Variants in KIF13B observed in about 807,000 individuals in gnomAD.
KIF13B encodes the protein kinesin-like protein KIF13B.
Under a neutral mutation model 222.0 loss-of-function variants are expected in KIF13B, and 127 were observed. The observed-to-expected ratio is 0.57, with a 90% CI of 0.50 to 0.66. KIF13B has a LOEUF of 0.66. KIF13B is among the 30% of genes least tolerant of loss of function. KIF13B has a pLI of 0.00. For missense variants in KIF13B, 2,173 were observed against 2,379.0 expected (o/e 0.91, Z 1.80); for synonymous variants, 976 against 919.0 (o/e 1.06, Z -1.12).
At chr8:29,098,776 G>A (rs1333248683) in intron 36 of KIF13B, among the ~76,000 whole-genome samples, 2 of 151,808 alleles carry the variant, frequency 1.3e-5, no homozygotes, top group Middle Eastern at 3.4e-3. Context: ...TTCCCAAGTC[G>A]TTTTATGAAG....
intron 7 of KIF13B, among the ~76,000 whole-genome samples, chr8:29,180,902 C>T (rs893299569): frequency 6.6e-6 from 1 of 152,050 alleles, no homozygotes; most frequent in Non-Finnish European, 1.5e-5. Flanking sequence ...TGACACCCAT[C>T]TGCCTTACAA....
At chr8:29,093,446 G>A (rs1808389744) in intron 36 of KIF13B, among the ~76,000 whole-genome samples, 1 of 152,274 alleles carries the variant, frequency 6.6e-6, no homozygotes, top group South Asian at 2.1e-4. Context: ...CAAAGACTGG[G>A]ATCAGAGGTA....
intron 35 of KIF13B, among the ~76,000 whole-genome samples, chr8:29,102,837 T>C (rs1459324138): frequency 6.6e-6 from 1 of 152,224 alleles, no homozygotes; most frequent in East Asian, 1.9e-4. Context: ...TATTTGTTCA[T>C]GCTATTGACT....
chr8:29,154,511 G>C (rs1811431040), intron 14 of KIF13B, among the ~76,000 whole-genome samples: 1 of 152,152 alleles, frequency 6.6e-6, no homozygotes. Context: ...ACATATGCTG[G>C]GTACTGTCAG....
At chr8:29,133,094 C>T (rs943147541) in intron 22 of KIF13B, among the ~76,000 whole-genome samples, 11 of 152,258 alleles carry the variant, frequency 7.2e-5, no homozygotes, top group Admixed American at 1.3e-4. Context: ...TGGCTTTAAA[C>T]GGATTAGAAA....
At chr8:29,213,582 C>T (rs1814329980) in intron 2 of KIF13B, among the ~76,000 whole-genome samples, 1 of 152,194 alleles carries the variant, frequency 6.6e-6, no homozygotes, top group African/African-American at 2.4e-5. Context: ...TAGGCTATTG[C>T]TCCTAGACTA....
At chr8:29,094,244 G>A (rs145600029) in intron 36 of KIF13B, among the ~76,000 whole-genome samples, 558 of 152,196 alleles carry the variant, frequency 3.7e-3, no homozygotes, top group Non-Finnish European at 6.0e-3. Context: ...GGCAATACAG[G>A]GGACAGAATT....
intron 37 of KIF13B, among the ~76,000 whole-genome samples, chr8:29,082,214 A>G (rs1453824263): frequency 6.6e-6 from 1 of 152,220 alleles, no homozygotes. Context: ...ACACAAAACA[A>G]TTAAAAGGCC....
At chr8:29,164,367 A>G (rs1811902271) in intron 12 of KIF13B, among the ~76,000 whole-genome samples, 2 of 152,256 alleles carry the variant, frequency 1.3e-5, no homozygotes, top group Non-Finnish European at 2.9e-5. Flanking sequence ...ATTTTAACTT[A>G]GAAAAGGAAG....
intron 35 of KIF13B, among the ~76,000 whole-genome samples, 179 bp downstream of exon 35, chr8:29,107,960 A>G (rs1483594473): frequency 2.0e-5 from 3 of 152,154 alleles, no homozygotes; most frequent in South Asian, 2.1e-4. Context: ...AGTCTAATAA[A>G]CCTTATTTTA....
intron 1 of KIF13B, among the ~76,000 whole-genome samples, chr8:29,245,702 C>T (rs1268858477): frequency 3.3e-5 from 5 of 152,132 alleles, no homozygotes; most frequent in African/African-American, 1.2e-4. Flanking sequence ...TTTCTACTCA[C>T]CACTGTACTA....
At chr8:29,175,059 G>C (rs922458725) in intron 10 of KIF13B, among the ~76,000 whole-genome samples, 3 of 151,882 alleles carry the variant, frequency 2.0e-5, no homozygotes, top group African/African-American at 7.3e-5. Context: ...ACAAATTCTT[G>C]ATCAATAAGA....
chr8:29,085,265 G>C lies in KIF13B; in HGVS notation c.4458+7480C>G, dbSNP rs189551322. Among the ~76,000 whole-genome samples, 114 of 152,310 alleles carry C rather than the reference G, an allele frequency of 7.5e-4. 1 individual carries two copies. Among genetic ancestry groups the C allele is most frequent in the African/African-American group, 2.5e-3 (105 of 41,572 alleles). On this transcript the variant is annotated intron_variant, in intron 37 of 39. Transcript: ENST00000524189. Reference sequence around the variant, plus strand: ...AAAGCTTCTCTGCAGTTATGGGTCTGTGTATCTTTGCATGAGGGAGGGAAC... The same window carrying C: ...AAAGCTTCTCTGCAGTTATGGGTCTCTGTATCTTTGCATGAGGGAGGGAAC...
intron 2 of KIF13B, among the ~76,000 whole-genome samples, chr8:29,242,205 C>G (rs1463485881): frequency 6.6e-6 from 1 of 152,064 alleles, no homozygotes; most frequent in African/African-American, 2.4e-5. Context: ...TGTATCGTGC[C>G]ACCACACTCC....
At chr8:29,141,584 T>C (rs756840225) in intron 19 of KIF13B, among the ~76,000 whole-genome samples, 1 of 152,234 alleles carries the variant, frequency 6.6e-6, no homozygotes, top group African/African-American at 2.4e-5. Context: ...TGTTCAGACA[T>C]ACATAATATG....
chr8:29,073,343 C>G (rs1302623179), intron 38 of KIF13B, among the ~76,000 whole-genome samples: 1 of 152,132 alleles, frequency 6.6e-6, no homozygotes, highest in Non-Finnish European at 1.5e-5. Flanking sequence ...CTCCTCATGT[C>G]GGTCACTCTG....
chr8:29,254,538 A>C (rs552199105), intron 1 of KIF13B, among the ~76,000 whole-genome samples: 8 of 152,238 alleles, frequency 5.3e-5, no homozygotes, highest in Non-Finnish European at 8.8e-5. Flanking sequence ...CAAACGGCCA[A>C]TATGCACATG....
In KIF13B at chr8:29,127,175, C is replaced by T; in HGVS notation, c.3169G>A (p.Gly1057Arg). The change falls in exon 25 of 40, where the codon GGA (glycine) becomes AGA (arginine). Residue 1057 changes from glycine to arginine, a missense_variant. Transcript: ENST00000524189. ...MEECILSVGI[G>R]CVKVRPLRAP... ...CTGAGCGGTCTAACTTTGACACATC[C>T]AATGCCAACAGACAGTATACATTCT... The T allele has an allele frequency of 1.2e-6, 2 of 1,613,986 alleles. No individual in the cohort carries two copies. The highest frequency in any genetic ancestry group is 1.1e-5 in the South Asian group (1 of 91,084).
chr8:29,184,468 T>A lies in KIF13B; in HGVS notation c.497+1824A>T, dbSNP rs1812846667. Among the ~76,000 whole-genome samples, 3 of 152,160 alleles carry A rather than the reference T, an allele frequency of 2.0e-5. No individual in the cohort carries two copies. In the South Asian group the frequency reaches 6.2e-4, roughly 32 times the overall value. On this transcript the variant is annotated intron_variant, in intron 6 of 39. Coordinates refer to ENST00000524189, the MANE Select transcript of KIF13B (RefSeq NM_015254.4). ...ACAACAGCCCTCTGAGATAATTGTA[T>A]CCTATCATTTCCCTCTTCAAGTTCC...
Sources: allele counts gnomAD v4.1 joint callset (sites outside exome capture counted in the v4.1 genomes callset), GRCh38; gene constraint gnomAD v4.1.1; transcripts MANE v1.5; gene names NCBI Gene and HGNC (gene_info 2026-07-23, HGNC 2026-07-21).